The following RFC5 variants were observed in gnomAD, a reference collection of about 807,000 sequenced individuals.
The protein encoded by RFC5 is replication factor C subunit 5.
A neutral mutation model predicts 44.3 loss-of-function variants in RFC5; 26 were observed. The observed-to-expected ratio is 0.59, with a 90% CI of 0.43 to 0.81. RFC5 has a LOEUF of 0.81. Among genes scored for constraint, RFC5 ranks in the 40% least tolerant of loss-of-function variants. The pLI, the probability that RFC5 is intolerant of heterozygous loss-of-function variation, is 0.00. For synonymous variants in RFC5, 155 were observed against 155.2 expected, an observed-to-expected ratio of 1.00 and a Z score of 0.01; for missense variants, 328 against 418.6, an observed-to-expected ratio of 0.78 and a Z score of 1.89.
At chr12:118,020,471 A>G (rs1019873571) in intron 3 of RFC5, among the ~76,000 whole-genome samples, 1 of 152,218 alleles carries the variant, frequency 6.6e-6, no homozygotes, top group African/African-American at 2.4e-5. Flanking sequence ...TAATATACTT[A>G]GATTCAAAAA....
At chr12:118,040,516 T>A in the RFC5 span, among the ~76,000 whole-genome samples, 1 of 152,096 alleles carries the variant, frequency 6.6e-6, no homozygotes, top group Non-Finnish European at 1.5e-5. Flanking sequence ...ATCCCAGCAC[T>A]TTGGGAGGCC....
intron 8 of RFC5, 125 bp from the exon 9 acceptor site, chr12:118,027,828 G>A: frequency 3.1e-6 from 2 of 635,242 alleles, no homozygotes; most frequent in East Asian, 5.2e-5. Context: ...CAAGTTGAAA[G>A]AGAAACAGTT....
chr12:118,035,153 T>G, downstream of RFC5: 1 of 1,612,328 alleles, frequency 6.2e-7, no homozygotes, highest in African/African-American at 1.3e-5. Context: ...CAAGAGGGCC[T>G]TGCTGCCATT....
In RFC5 at chr12:118,029,833, C is replaced by T. The variant is rs771376777; in HGVS notation, c.926+8C>T. On this transcript the variant is annotated splice_region_variant and intron_variant, in intron 10 of 10. Coordinates refer to ENST00000454402, the MANE Select transcript of RFC5 (RefSeq NM_007370.7). ...CAAAATGGCAGACATTGAGTGAGTA[C>T]TTCTTGCCCCAGTTTTAATTCTTTT... 1.3e-6 allele frequency: 2 copies of T among 1,572,774 alleles called. No individual in the cohort carries two copies. The highest frequency in any genetic ancestry group is 3.3e-4 in the Middle Eastern group (2 of 6,004).
chr12:118,025,515 T>G, intron 6 of RFC5: 1 of 466,590 alleles, frequency 2.1e-6, no homozygotes. Context: ...AGAATGCTTG[T>G]TCCTAAATTC....
Position 118,029,747 on chromosome 12 carries a change from C to T in RFC5, c.872-24C>T, listed in dbSNP as rs536600034. ...TTTGACAGTAGAGAGTGACCTAACTCATTTGATTTTGTTTTTCCCTCAGTT... is the reference window on the plus strand; with the variant it reads ...TTTGACAGTAGAGAGTGACCTAACTTATTTGATTTTGTTTTTCCCTCAGTT... On this transcript the variant is annotated intron_variant, in intron 9 of 10. Transcript: ENST00000454402. 1.2e-4 allele frequency: 185 copies of T among 1,533,136 alleles called. 2 individuals carry two copies. In the South Asian group the frequency reaches 1.8e-3, roughly 15 times the overall value. The allele number at this position is 1,533,136 out of a possible 1,614,324, so 95.0% of individuals were successfully genotyped here. A position where few individuals can be genotyped will look rare whatever the true frequency, so the allele number is the denominator to read the frequency against.
intron 8 of RFC5, 181 bp downstream of exon 8, chr12:118,027,199 T>G: frequency 1.7e-6 from 1 of 602,512 alleles, no homozygotes. Flanking sequence ...CACTCCAGAG[T>G]TCTTCTTGGA....
chr12:118,035,335 A>G (rs2031486192), downstream of RFC5: 2 of 1,612,874 alleles, frequency 1.2e-6, no homozygotes, highest in Non-Finnish European at 1.7e-6. Context: ...CTGGGAAGGA[A>G]AGAAACAGGA....
At chr12:118,034,270 G>A (rs1235336646), downstream of RFC5, 2 of 1,614,188 alleles carry the variant, frequency 1.2e-6, no homozygotes, top group Non-Finnish European at 8.5e-7. Flanking sequence ...TAAGTTGTTA[G>A]GAAACTTCGA....
At chr12:118,021,303 C>T (rs1379564964) in intron 4 of RFC5, among the ~76,000 whole-genome samples, 1 of 151,954 alleles carries the variant, frequency 6.6e-6, no homozygotes, top group Non-Finnish European at 1.5e-5. Flanking sequence ...CCTCCACCTC[C>T]TGGGTTCAAG....
At chr12:118,024,421 C>T (rs1196253806) in intron 5 of RFC5, among the ~76,000 whole-genome samples, 2 of 151,796 alleles carry the variant, frequency 1.3e-5, no homozygotes, top group Non-Finnish European at 2.9e-5. Flanking sequence ...TGCAGCCTCA[C>T]TTGTTTACAT....
In RFC5 at chr12:118,019,600, T is replaced by C. The variant is rs773734316; in HGVS notation, c.131-32T>C. 26 of 1,613,598 alleles carry C rather than the reference T, an allele frequency of 1.6e-5. No homozygotes were observed. Among genetic ancestry groups the C allele is most frequent in the Non-Finnish European group, 2.1e-5 (25 of 1,179,642 alleles). ...GGTGAATGAGGCAGCTCCCAAAGAC[T>C]GATGGTGCCCTTCTTCCTTCCTGAT... On this transcript the variant is annotated intron_variant, in intron 2 of 10. Transcript: ENST00000454402. This position sits in a 1 kb window ranked among gnomAD's most constrained non-coding sequence, Gnocchi z 4.2.
chr12:118,039,377 G>C, the RFC5 span, among the ~76,000 whole-genome samples: 1 of 152,126 alleles, frequency 6.6e-6, no homozygotes, highest in Non-Finnish European at 1.5e-5. Context: ...GAATTAGAGA[G>C]AGATTTTCCA....
intron 7 of RFC5, among the ~76,000 whole-genome samples, chr12:118,026,294 G>C (rs1201970074): frequency 1.3e-5 from 2 of 151,730 alleles, no homozygotes; most frequent in Non-Finnish European, 2.9e-5. Flanking sequence ...TTTGTATTTT[G>C]ATTAATTGAA....
At chr12:118,032,435 A>G (rs1223361489), downstream of RFC5, 1 of 152,184 alleles carries the variant, frequency 6.6e-6, no homozygotes, top group East Asian at 1.9e-4. Context: ...TGGCCAATCC[A>G]TTCCCAGCTC....
rs749760711 is a variant in RFC5, at chr12:118,019,725, A to C, written c.224A>C (p.Lys75Thr). The C allele has an allele frequency of 6.8e-6, 11 of 1,613,974 alleles. No individual in the cohort carries two copies. In the African/African-American group the frequency reaches 1.5e-4, roughly 22 times the overall value. Residue 75 changes from lysine (K) to threonine (T), a missense_variant, in exon 3 of 11, where the codon AAA (lysine) becomes ACA (threonine). By Grantham distance (78) the Lys-to-Thr change is moderately conservative. Transcript: ENST00000454402. This position sits in a 1 kb window ranked among gnomAD's most constrained non-coding sequence, Gnocchi z 4.2. ...GKTSTILACA[K>T]QLYKDKEFGS... is the part of the protein sequence containing the mutation. Reference sequence around the variant, plus strand: ...ACATCTACCATCCTAGCCTGTGCGAAACAGCTATATAAAGACAAAGAATTT... The same window carrying C: ...ACATCTACCATCCTAGCCTGTGCGACACAGCTATATAAAGACAAAGAATTT...
chr12:118,024,983 G>A lies in RFC5; in HGVS notation c.554G>A (p.Arg185His), dbSNP rs140469335. The change falls in exon 6 of 11, where the codon CGC (arginine) becomes CAC (histidine). Residue 185 changes from arginine to histidine, a missense_variant. Physicochemically the swap from Arg to His is conservative, Grantham distance 29. Transcript: ENST00000454402. Reference protein sequence around the residue: ...GPLTPELMVPRLEHVVEEEKV... With the variant: ...GPLTPELMVPHLEHVVEEEKV... ...CTGACTCCTGAACTCATGGTTCCCC[G>A]CCTGGAACATGTCGTGGAAGAAGAG... 3.4e-5 allele frequency: 55 copies of A among 1,613,700 alleles called. No individual in the cohort carries two copies. Among genetic ancestry groups the A allele is most frequent in the African/African-American group, 2.7e-4 (20 of 74,888 alleles).
At position 118,024,899 on chromosome 12, in the gene RFC5, A is replaced by G. The variant is rs771943424; in HGVS notation, c.470A>G (p.Tyr157Cys). Reference protein sequence around the residue: ...ENTRFCLICNYLSKIIPALQS... With the variant: ...ENTRFCLICNCLSKIIPALQS... ...ACCAGATTCTGCCTCATCTGTAACTATCTGTCAAAGATCATCCCTGCCTTG... is the reference window on the plus strand; with the variant it reads ...ACCAGATTCTGCCTCATCTGTAACTGTCTGTCAAAGATCATCCCTGCCTTG... The change falls in exon 6 of 11, where the codon TAT becomes TGT. Residue 157 changes from tyrosine to cysteine, a missense_variant. Physicochemically the swap from Tyr to Cys is radical, Grantham distance 194. Transcript: ENST00000454402. The G allele has an allele frequency of 3.3e-5, 53 of 1,613,620 alleles. No homozygotes were observed. The highest frequency in any genetic ancestry group is 6.7e-5 in the Admixed American group (4 of 59,978).
At position 118,029,841 on chromosome 12, in the gene RFC5, C is replaced by T. The variant is rs2031199649; in HGVS notation, c.926+16C>T. The stretch of plus-strand genomic sequence containing the variant: ...CAGACATTGAGTGAGTACTTCTTGC[C>T]CCAGTTTTAATTCTTTTCTTCCTTT... On this transcript the variant is annotated intron_variant, in intron 10 of 10. Coordinates refer to ENST00000454402, the MANE Select transcript of RFC5 (RefSeq NM_007370.7). 6.4e-7 allele frequency: 1 copy of T among 1,550,844 alleles called. No homozygotes were observed. The highest frequency in any genetic ancestry group is 8.9e-7 in the Non-Finnish European group (1 of 1,122,602).
Sources: allele counts gnomAD v4.1 joint callset (sites outside exome capture counted in the v4.1 genomes callset), GRCh38; gene constraint gnomAD v4.1.1; non-coding constraint Gnocchi (gnomAD v3.1); transcripts MANE v1.5; gene names NCBI Gene and HGNC (gene_info 2026-07-23, HGNC 2026-07-21).